Variants in TMEM114 observed in about 807,000 individuals in gnomAD.
TMEM114 encodes claudin-26.
TMEM114 carries 6 observed loss-of-function variants against 6.2 expected under a neutral mutation model. That is an observed-to-expected ratio of 0.97 (90% CI 0.53 to 1.91). The LOEUF is 1.91. TMEM114 is among the 40% of genes most tolerant of loss of function. The pLI is 0.01. For missense variants in TMEM114, 218 were observed against 158.3 expected, an observed-to-expected ratio of 1.38 and a Z score of -2.02; for synonymous variants, 104 against 73.0, an observed-to-expected ratio of 1.42 and a Z score of -2.16.
Position 8,550,078 on chromosome 16 carries a change from G to C in TMEM114, n.213-12252C>G, listed in dbSNP as rs111921701. Among the ~76,000 whole-genome samples, 412 of 152,312 alleles carry C rather than the reference G, an allele frequency of 2.7e-3. 3 individuals are homozygous for C. The highest frequency in any genetic ancestry group is 9.1e-3 in the African/African-American group (380 of 41,582). ...AAAGAACTTGGAATCTGATGTTCCA[G>C]GGCAGGAAGCATCCATCATGGGAGA... On this transcript the variant is annotated intron_variant and non_coding_transcript_variant, in intron 2 of 2. Coordinates refer to the TMEM114 transcript ENST00000623677.
At chr16:8,580,010 G>A (rs1203662454) in intron 2 of TMEM114, among the ~76,000 whole-genome samples, 4 of 152,044 alleles carry the variant, frequency 2.6e-5, no homozygotes, top group Admixed American at 2.0e-4. Flanking sequence ...CAAAAGTGGG[G>A]ACAGAAAATG....
the TMEM114 span, among the ~76,000 whole-genome samples, chr16:8,530,881 A>T: frequency 2.0e-5 from 3 of 152,100 alleles, no homozygotes; most frequent in Admixed American, 2.0e-4. Flanking sequence ...AAAAATTAGC[A>T]GGGTGTGGTG....
the TMEM114 span, among the ~76,000 whole-genome samples, chr16:8,527,089 C>T: frequency 6.6e-6 from 1 of 152,214 alleles, no homozygotes; most frequent in Non-Finnish European, 1.5e-5. Context: ...CACCTGTAGT[C>T]CCAGCTACTC....
At chr16:8,542,042 C>A (rs4131880) in intron 2 of TMEM114, among the ~76,000 whole-genome samples, 1 of 152,104 alleles carries the variant, frequency 6.6e-6, no homozygotes, top group African/African-American at 2.4e-5. Context: ...AGAAAAAGCA[C>A]GCCAACATTA....
intron 2 of TMEM114, among the ~76,000 whole-genome samples, chr16:8,581,276 A>T (rs984424346): frequency 4.6e-5 from 7 of 152,204 alleles, no homozygotes; most frequent in African/African-American, 1.4e-4. Flanking sequence ...TAACACTAAT[A>T]TGCATTAGTA....
chr16:8,568,570 G>T (rs1167676679), downstream of TMEM114, among the ~76,000 whole-genome samples: 2 of 152,166 alleles, frequency 1.3e-5, no homozygotes, highest in Non-Finnish European at 2.9e-5. Context: ...TTGACGTCAT[G>T]GTGATGATGA....
chr16:8,536,931 G>A (rs1376126713), downstream of TMEM114, among the ~76,000 whole-genome samples: 1 of 152,100 alleles, frequency 6.6e-6, no homozygotes, highest in Admixed American at 6.5e-5. Context: ...ATACAGGCCA[G>A]GTGCAGTGGC....
At chr16:8,586,991 A>G (rs1053546012) in intron 2 of TMEM114, among the ~76,000 whole-genome samples, 7 of 152,134 alleles carry the variant, frequency 4.6e-5, no homozygotes, top group Non-Finnish European at 1.0e-4. Context: ...GCTGACTCAT[A>G]TCAACTCACA....
chr16:8,573,375 C>G lies in TMEM114; in HGVS notation c.302-1151G>C, dbSNP rs187577714. On this transcript the variant is annotated intron_variant, in intron 2 of 3. Transcript: ENST00000620492. ...TCTGGGGCCATTTCTAGAGAACTCC[C>G]AAGCCCAAACAGTCAAAGATAAATA... Among the ~76,000 whole-genome samples the G allele has an allele frequency of 5.1e-4, 77 of 152,268 alleles. No individual in the cohort carries two copies. In the East Asian group the frequency reaches 0.013, roughly 25 times the overall value.
At chr16:8,545,351 G>C (rs1459862505) in intron 2 of TMEM114, among the ~76,000 whole-genome samples, 2 of 152,088 alleles carry the variant, frequency 1.3e-5, no homozygotes. Flanking sequence ...CAGGAGGATT[G>C]CTTGAGCCCA....
intron 2 of TMEM114, among the ~76,000 whole-genome samples, chr16:8,546,973 C>A (rs192360759): frequency 3.9e-5 from 6 of 152,224 alleles, no homozygotes; most frequent in South Asian, 4.1e-4. Flanking sequence ...CCACAGCCAA[C>A]TGAGCCTTGG....
chr16:8,569,185 G>A (rs933792193), downstream of TMEM114, among the ~76,000 whole-genome samples: 12 of 152,312 alleles, frequency 7.9e-5, no homozygotes, highest in Admixed American at 7.8e-4. Flanking sequence ...GGATTTTTCT[G>A]GGGGAGGACG....
chr16:8,569,762 A>C lies in TMEM114; in HGVS notation c.*11T>G, dbSNP rs779913424. ...AGCCCCTCCCTCCCCTCCACGACCC[A>C]GCGCCCAGGCTCATATGGCCTGGTC... On this transcript the variant is annotated 3_prime_UTR_variant, in exon 4 of 4. Transcript: ENST00000620492. The C allele has an allele frequency of 3.2e-6, 5 of 1,545,236 alleles. No homozygotes were observed. The East Asian group carries it at 7.4e-5, about 23-fold the overall frequency.
downstream of TMEM114, among the ~76,000 whole-genome samples, chr16:8,565,733 A>G (rs900902484): frequency 1.3e-5 from 2 of 152,150 alleles, no homozygotes; most frequent in Middle Eastern, 3.2e-3. Context: ...GTCTTAGAGC[A>G]GTGGTTCTTA....
At chr16:8,531,224 C>T in the TMEM114 span, among the ~76,000 whole-genome samples, 1 of 152,156 alleles carries the variant, frequency 6.6e-6, no homozygotes, top group Non-Finnish European at 1.5e-5. Flanking sequence ...TGCTAATGGC[C>T]TAATTCATAA....
downstream of TMEM114, among the ~76,000 whole-genome samples, chr16:8,534,263 T>C (rs1430310872): frequency 2.0e-5 from 3 of 152,038 alleles, no homozygotes; most frequent in East Asian, 3.9e-4. Context: ...AATGTAATTC[T>C]TCAAAGGCGA....
downstream of TMEM114, among the ~76,000 whole-genome samples, chr16:8,565,611 C>T (rs1901515679): frequency 6.6e-6 from 1 of 152,170 alleles, no homozygotes; most frequent in South Asian, 2.1e-4. Context: ...ACCACACCTC[C>T]ACCTGCTCCG....
At chr16:8,547,073 T>C (rs1596469084) in intron 2 of TMEM114, among the ~76,000 whole-genome samples, 1 of 152,186 alleles carries the variant, frequency 6.6e-6, no homozygotes, top group Non-Finnish European at 1.5e-5. Flanking sequence ...TTGCTGCAGG[T>C]AAGTGTCCTC....
At chr16:8,530,491 A>G in the TMEM114 span, among the ~76,000 whole-genome samples, 3 of 152,162 alleles carry the variant, frequency 2.0e-5, no homozygotes, top group Non-Finnish European at 2.9e-5. Context: ...TAGCTAATGT[A>G]GCCAATGGAA....
Sources: allele counts gnomAD v4.1 joint callset (sites outside exome capture counted in the v4.1 genomes callset), GRCh38; gene constraint gnomAD v4.1.1; transcripts MANE v1.5; gene names NCBI Gene and HGNC (gene_info 2026-07-23, HGNC 2026-07-21).